NTRK2: variants seen among roughly 807,000 people sequenced by gnomAD.
The protein encoded by NTRK2 is BDNF/NT-3 growth factors receptor.
Under a neutral mutation model 94.5 loss-of-function variants are expected in NTRK2, and 13 were observed. The ratio of observed to expected loss-of-function variants is 0.14; its 90% confidence interval spans 0.09 to 0.22. The LOEUF (loss-of-function observed/expected upper bound fraction) is 0.22, where lower values mean the gene tolerates loss of function less well. Ranked by LOEUF, NTRK2 falls within the 10% of genes least tolerant of loss-of-function variation. NTRK2 has a pLI of 1.00. For missense variants in NTRK2, 639 were observed against 1,071.2 expected, an observed-to-expected ratio of 0.60 and a Z score of 5.63; for synonymous variants, 372 against 407.4, an observed-to-expected ratio of 0.91 and a Z score of 1.05.
chr9:84,693,520 T>C (rs915451559), intron 2 of NTRK2, among the ~76,000 whole-genome samples: 3 of 152,226 alleles, frequency 2.0e-5, no homozygotes, highest in African/African-American at 7.2e-5. Context: ...AATTTATGTA[T>C]TGAAGAGATG....
At chr9:84,843,276 C>T (rs1015607153) in intron 12 of NTRK2, among the ~76,000 whole-genome samples, 7 of 152,116 alleles carry the variant, frequency 4.6e-5, no homozygotes, top group Non-Finnish European at 1.5e-5. Flanking sequence ...GCTCTGGATG[C>T]CTTGTAAAGT....
In NTRK2 at chr9:84,819,341, G is replaced by C. The variant is rs41511747; in HGVS notation, c.1397-41699G>C. 1.5e-4 allele frequency among the ~76,000 whole-genome samples: 23 copies of C among 152,282 alleles called. No individual in the cohort carries two copies. In the East Asian group the frequency reaches 4.3e-3, roughly 28 times the overall value. ...TTCACCTCAAGCCCCTTGAGTCGGG[G>C]TAGGAAGTACAGAGTCGCCAGCACT... is the stretch of plus-strand genomic sequence containing the variant. On this transcript the variant is annotated intron_variant, in intron 12 of 18. Transcript: ENST00000277120.
chr9:84,960,232 G>T (rs1208369348), intron 17 of NTRK2, among the ~76,000 whole-genome samples: 11 of 152,172 alleles, frequency 7.2e-5, no homozygotes, highest in Admixed American at 7.2e-4. Context: ...CAACTGGGAA[G>T]AGAAAGGAAG....
intron 12 of NTRK2, among the ~76,000 whole-genome samples, chr9:84,770,569 T>C (rs1352559932): frequency 6.6e-6 from 1 of 152,236 alleles, no homozygotes; most frequent in Non-Finnish European, 1.5e-5. Flanking sequence ...AGAAATTTAA[T>C]ATGTTATTTG....
chr9:84,826,187 T>C (rs918504621), intron 12 of NTRK2, among the ~76,000 whole-genome samples: 1 of 152,088 alleles, frequency 6.6e-6, no homozygotes, highest in Non-Finnish European at 1.5e-5. Flanking sequence ...CATTGTGGAG[T>C]CTGGAAGTTT....
At chr9:84,926,157 C>CTTG (rs2077779775) in intron 14 of NTRK2, among the ~76,000 whole-genome samples, 3 of 80,326 alleles carry the variant, frequency 3.7e-5, no homozygotes, top group African/African-American at 1.4e-4. Flanking sequence ...TTCCTTCCTT[C>CTTG]CTTCCTTCCT....
At chr9:84,865,810 A>T (rs1231610059) in intron 13 of NTRK2, among the ~76,000 whole-genome samples, 1 of 151,966 alleles carries the variant, frequency 6.6e-6, no homozygotes, top group East Asian at 1.9e-4. Context: ...CTTCCATGGG[A>T]CCCTGCCTGT....
chr9:84,673,436 C>A (rs1189112033), intron 2 of NTRK2, among the ~76,000 whole-genome samples: 1 of 152,064 alleles, frequency 6.6e-6, no homozygotes, highest in Non-Finnish European at 1.5e-5. Context: ...CCTAAAATAA[C>A]CTGTTGTAAA....
chr9:84,996,001 T>C (rs957802807), intron 17 of NTRK2, among the ~76,000 whole-genome samples: 6 of 152,206 alleles, frequency 3.9e-5, no homozygotes, highest in African/African-American at 1.4e-4. Context: ...AAGGAAAATA[T>C]CTGATTGGCT....
intron 12 of NTRK2, among the ~76,000 whole-genome samples, chr9:84,753,217 A>C (rs1382123194): frequency 6.6e-6 from 1 of 152,006 alleles, no homozygotes; most frequent in East Asian, 1.9e-4. Context: ...CTGATCCTTG[A>C]TGTTTCTTCA....
chr9:85,014,377 G>C (rs148905658), intron 17 of NTRK2, among the ~76,000 whole-genome samples: 23 of 152,264 alleles, frequency 1.5e-4, no homozygotes, highest in African/African-American at 4.8e-4. Context: ...CCTCGTTAAC[G>C]TGTGCCAAGG....
At chr9:84,772,439 G>C (rs1330768797) in intron 12 of NTRK2, among the ~76,000 whole-genome samples, 1 of 152,040 alleles carries the variant, frequency 6.6e-6, no homozygotes, top group Non-Finnish European at 1.5e-5. Flanking sequence ...GTAGAGGCAG[G>C]GTTTCACCAT....
intron 6 of NTRK2, among the ~76,000 whole-genome samples, chr9:84,711,724 T>G (rs1030526646): frequency 1.3e-5 from 2 of 152,186 alleles, no homozygotes; most frequent in African/African-American, 4.8e-5. Flanking sequence ...GGTCTATTTT[T>G]TATTTAAGAA....
At chr9:84,840,051 T>C (rs150400767) in intron 12 of NTRK2, among the ~76,000 whole-genome samples, 1 of 152,236 alleles carries the variant, frequency 6.6e-6, no homozygotes, top group African/African-American at 2.4e-5. Context: ...CCCTCCTTTC[T>C]TAAAAATTTA....
At chr9:84,996,330 A>G (rs905431417) in intron 17 of NTRK2, among the ~76,000 whole-genome samples, 1 of 152,260 alleles carries the variant, frequency 6.6e-6, no homozygotes, top group Non-Finnish European at 1.5e-5. Flanking sequence ...TACTCAGCCA[A>G]GTTTACAAAA....
chr9:84,709,681 C>T (rs2061313219), intron 5 of NTRK2, among the ~76,000 whole-genome samples: 1 of 152,176 alleles, frequency 6.6e-6, no homozygotes, highest in Non-Finnish European at 1.5e-5. Context: ...TAATGCCAGG[C>T]AGAGTCTATG....
intron 12 of NTRK2, among the ~76,000 whole-genome samples, chr9:84,857,045 A>G (rs1398912602): frequency 6.6e-6 from 1 of 151,966 alleles, no homozygotes; most frequent in Non-Finnish European, 1.5e-5. Context: ...TTACATCATA[A>G]ATCTTCCTTT....
intron 14 of NTRK2, chr9:84,875,587 G>A: frequency 9.4e-7 from 1 of 1,062,220 alleles, no homozygotes; most frequent in South Asian, 4.6e-5. Flanking sequence ...ATCTTAAAGG[G>A]CCAAACTAGT....
intron 12 of NTRK2, among the ~76,000 whole-genome samples, chr9:84,828,672 T>G (rs1406937474): frequency 6.6e-6 from 1 of 152,242 alleles, no homozygotes; most frequent in Non-Finnish European, 1.5e-5. Context: ...GGTTGATTAT[T>G]TTTGGCAGTA....
Sources: allele counts gnomAD v4.1 joint callset (sites outside exome capture counted in the v4.1 genomes callset), GRCh38; gene constraint gnomAD v4.1.1; transcripts MANE v1.5; gene names NCBI Gene and HGNC (gene_info 2026-07-23, HGNC 2026-07-21).